Variants in CASP10 observed in about 807,000 individuals in gnomAD.
CASP10 encodes the protein caspase-10.
In CASP10, 41 loss-of-function variants were observed where a neutral mutation model predicts 48.5. The ratio of observed to expected loss-of-function variants is 0.85; its 90% CI spans 0.66 to 1.10. CASP10 has a LOEUF of 1.10. Ranked by LOEUF, CASP10 falls within the 50% of genes least tolerant of loss-of-function variation. CASP10 has a pLI of 0.00. For synonymous variants in CASP10, 232 were observed against 238.4 expected, an observed-to-expected ratio of 0.97 and a Z score of 0.25; for missense variants, 614 against 614.5, an observed-to-expected ratio of 1.00 and a Z score of 0.01.
chr2:201,200,476 C>T (rs367545316), intron 5 of CASP10: 11 of 1,598,262 alleles, frequency 6.9e-6, no homozygotes, highest in Middle Eastern at 3.3e-4. Context: ...TGAAGGAGAC[C>T]GTGGAAACTC....
chr2:201,217,278 T>A (rs1945600019), intron 9 of CASP10, among the ~76,000 whole-genome samples: 1 of 152,128 alleles, frequency 6.6e-6, no homozygotes, highest in South Asian at 2.1e-4. Flanking sequence ...AAAAGTTTCT[T>A]CTCTGGGCCA....
Position 201,217,975 on chromosome 2 carries a change from G to A in CASP10, c.*234G>A, listed in dbSNP as rs919941235. 8.7e-6 allele frequency: 10 copies of A among 1,143,246 alleles called. No individual in the cohort carries two copies. The highest frequency in any genetic ancestry group is 6.4e-5 in the Admixed American group (2 of 31,238). 70.8% of individuals were successfully genotyped at this position (1,143,246 alleles called of 1,614,324 possible). A position where few individuals can be genotyped will look rare whatever the true frequency, so the allele number is the denominator to read the frequency against. Reference sequence around the variant, plus strand: ...GTCACCCAGACTGGAGTGCAGGGGGGCAATCACGGCTCACTGTAGTCTCGA... The same window carrying A: ...GTCACCCAGACTGGAGTGCAGGGGGACAATCACGGCTCACTGTAGTCTCGA... On this transcript the variant is annotated 3_prime_UTR_variant, in exon 10 of 10. Coordinates refer to ENST00000286186, the MANE Select transcript of CASP10 (RefSeq NM_032977.4).
chr2:201,226,162 C>A (rs1160267996), downstream of CASP10, among the ~76,000 whole-genome samples: 2 of 151,970 alleles, frequency 1.3e-5, no homozygotes, highest in African/African-American at 4.8e-5. Flanking sequence ...AAAATATGAA[C>A]CAGTAATTAA....
At chr2:201,187,824 C>A (rs1326691557) in intron 3 of CASP10, 25 bp downstream of exon 3, 1 of 1,494,962 alleles carries the variant, frequency 6.7e-7, no homozygotes, top group Non-Finnish European at 9.3e-7. Context: ...CAGAATGGGT[C>A]TGTGTGAGCA....
At position 201,221,222 on chromosome 2, in the gene CASP10, C is replaced by T. The variant is rs1945712303; in HGVS notation, c.*3481C>T. ...TGAGTAAGATCTAATTCTTCCCTCA[C>T]TGGTTCGTGATGTCTACCGCAGCAG... is the stretch of plus-strand genomic sequence containing the variant. On this transcript the variant is annotated 3_prime_UTR_variant, in exon 10 of 10. Transcript: ENST00000286186. The T allele has an allele frequency of 1.0e-6, 1 of 985,338 alleles. No individual in the cohort carries two copies. Among genetic ancestry groups the T allele is most frequent in the African/African-American group, 1.7e-5 (1 of 57,240 alleles). The allele number at this position is 985,338 out of a possible 1,614,324, so 61.0% of individuals were successfully genotyped here.
intron 4 of CASP10, among the ~76,000 whole-genome samples, chr2:201,195,245 C>G (rs1400153466): frequency 6.6e-6 from 1 of 152,018 alleles, no homozygotes; most frequent in East Asian, 1.9e-4. Context: ...ATGCCCGCCA[C>G]CATGCCCAGC....
At chr2:201,215,761 T>C (rs1032281439) in intron 9 of CASP10, among the ~76,000 whole-genome samples, 8 of 152,184 alleles carry the variant, frequency 5.3e-5, no homozygotes, top group Non-Finnish European at 1.0e-4. Flanking sequence ...CCATATACAT[T>C]TTAGGGTTTT....
In CASP10 at chr2:201,209,333, T is replaced by A. The variant is rs892868578; in HGVS notation, c.1186T>A (p.Phe396Ile). The change falls in exon 9 of 10, where the codon TTT (phenylalanine) becomes ATT (isoleucine). Residue 396 changes from phenylalanine to isoleucine, a missense_variant. By Grantham distance (21) the Phe-to-Ile change is conservative. Coordinates refer to ENST00000286186, the MANE Select transcript of CASP10 (RefSeq NM_032977.4). ...TAGACTGGCTGAAAAACCTAAACTC[T>A]TTTTCATCCAGGCCTGCCAAGGTGA... The part of the protein sequence containing the change: ...CPRLAEKPKL[F>I]FIQACQGEEI... 1.2e-6 allele frequency: 2 copies of A among 1,614,152 alleles called. No homozygotes were observed. Among genetic ancestry groups the A allele is most frequent in the Non-Finnish European group, 1.7e-6 (2 of 1,180,036 alleles).
At chr2:201,211,793 A>G (rs1480118281) in intron 9 of CASP10, among the ~76,000 whole-genome samples, 8 of 152,216 alleles carry the variant, frequency 5.3e-5, no homozygotes, top group African/African-American at 1.7e-4. Context: ...AGGAACTGGC[A>G]TACTATTTTC....
At chr2:201,213,241 C>A (rs1945460213) in intron 9 of CASP10, 1 of 152,056 alleles carries the variant, frequency 6.6e-6, no homozygotes, top group African/African-American at 2.4e-5. Flanking sequence ...TTGCGGACTT[C>A]TATTATTAGA....
intron 9 of CASP10, among the ~76,000 whole-genome samples, chr2:201,209,892 C>T (rs1049471601): frequency 2.6e-5 from 4 of 152,186 alleles, no homozygotes; most frequent in Non-Finnish European, 5.9e-5. Context: ...AGGTTGCTTA[C>T]AAGCTAGAGG....
intron 2 of CASP10, among the ~76,000 whole-genome samples, chr2:201,187,042 C>T (rs903068578): frequency 5.9e-5 from 9 of 152,226 alleles, no homozygotes; most frequent in East Asian, 1.9e-4. Flanking sequence ...GAGAACCTCA[C>T]GAAGAGGAGC....
chr2:201,221,140 A>C lies in CASP10; in HGVS notation c.*3399A>C, dbSNP rs1174161984. ...GCAGGACTTAAGTTCCTTTGTGCGT[A>C]ATTCCAGCTGACTTTATTAGCGGCA... On this transcript the variant is annotated 3_prime_UTR_variant, in exon 10 of 10. Transcript: ENST00000286186. 1.2e-5 allele frequency: 12 copies of C among 985,314 alleles called. No individual in the cohort carries two copies. Among genetic ancestry groups the C allele is most frequent in the Non-Finnish European group, 1.4e-5 (12 of 829,954 alleles). 61.0% of individuals were successfully genotyped at this position (985,314 alleles called of 1,614,324 possible).
downstream of CASP10, among the ~76,000 whole-genome samples, chr2:201,223,823 A>G (rs1945754455): frequency 1.3e-5 from 2 of 152,172 alleles, no homozygotes; most frequent in South Asian, 4.1e-4. Flanking sequence ...TTTGAGACAG[A>G]GTCTCACTGT....
downstream of CASP10, among the ~76,000 whole-genome samples, chr2:201,224,563 A>C (rs1945765376): frequency 6.6e-6 from 1 of 152,194 alleles, no homozygotes; most frequent in African/African-American, 2.4e-5. Flanking sequence ...TTTTGCCCCC[A>C]GTTCTGTCCA....
Position 201,217,742 on chromosome 2 carries a change from CA to C in CASP10, c.*2del, listed in dbSNP as rs1945618505. The C allele has an allele frequency of 6.2e-7, 1 of 1,613,810 alleles. No individual in the cohort carries two copies. The highest frequency in any genetic ancestry group is 8.5e-7 in the Non-Finnish European group (1 of 1,179,792). On this transcript the variant is annotated 3_prime_UTR_variant, in exon 10 of 10. Coordinates refer to ENST00000286186, the MANE Select transcript of CASP10 (RefSeq NM_032977.4). ...GCCCCTGGATGCACTTTCATTATAG[CA>C]GAGAGTTTTTGTTGGTTCTTAGACC...
chr2:201,203,691 A>C (rs1274281328), intron 5 of CASP10, 39 bp from the exon 6 acceptor site: 2 of 1,592,294 alleles, frequency 1.3e-6, no homozygotes, highest in African/African-American at 2.7e-5. Flanking sequence ...TAACTGTGTG[A>C]AATTCCTATG....
intron 5 of CASP10, 131 bp downstream of exon 5, chr2:201,196,079 A>G: frequency 1.5e-6 from 1 of 670,616 alleles, no homozygotes; most frequent in Non-Finnish European, 2.7e-6. Context: ...TGGTCTCACC[A>G]TGGTGATTGC....
chr2:201,191,335 C>A (rs1022159651), intron 3 of CASP10, among the ~76,000 whole-genome samples: 11 of 151,950 alleles, frequency 7.2e-5, no homozygotes, highest in African/African-American at 2.7e-4. Flanking sequence ...ATTACCAGGT[C>A]AAATTCAGGA....
Sources: allele counts gnomAD v4.1 joint callset (sites outside exome capture counted in the v4.1 genomes callset), GRCh38; gene constraint gnomAD v4.1.1; transcripts MANE v1.5; gene names NCBI Gene and HGNC (gene_info 2026-07-23, HGNC 2026-07-21).